Variants in SPIRE1 observed in about 807,000 individuals in gnomAD.
SPIRE1 encodes the protein protein spire homolog 1.
In SPIRE1, 40 loss-of-function variants were observed where a neutral mutation model predicts 94.1. The ratio of observed to expected loss-of-function variants is 0.43; its 90% CI spans 0.33 to 0.55. SPIRE1 has a LOEUF of 0.55. Among genes scored for constraint, SPIRE1 ranks in the 20% least tolerant of loss-of-function variants. The probability of loss-of-function intolerance (pLI) is 0.06; values close to 1 mark genes in which losing one functional copy is unlikely to be tolerated. For missense variants in SPIRE1, 838 were observed against 975.2 expected, an observed-to-expected ratio of 0.86 and a Z score of 1.87; for synonymous variants, 376 against 371.7, an observed-to-expected ratio of 1.01 and a Z score of -0.13.
upstream of SPIRE1, among the ~76,000 whole-genome samples, chr18:12,660,778 C>CA (rs1445722617): frequency 1.3e-5 from 2 of 151,580 alleles, no homozygotes; most frequent in African/African-American, 4.9e-5. Context: ...TGCCAAGTAA[C>CA]AATTCATGGT....
At chr18:12,595,551 T>C (rs1430781028) in intron 2 of SPIRE1, among the ~76,000 whole-genome samples, 2 of 152,342 alleles carry the variant, frequency 1.3e-5, no homozygotes, top group East Asian at 3.9e-4. Flanking sequence ...AAGAAAACTA[T>C]ACGTGTGGCT....
At chr18:12,590,690 C>G (rs1002679260) in intron 2 of SPIRE1, among the ~76,000 whole-genome samples, 2 of 152,152 alleles carry the variant, frequency 1.3e-5, no homozygotes, top group African/African-American at 2.4e-5. Flanking sequence ...ATTTGAAGAG[C>G]AGCAGTGAGA....
chr18:12,543,694 C>T (rs991337431), intron 3 of SPIRE1, among the ~76,000 whole-genome samples: 2 of 152,216 alleles, frequency 1.3e-5, no homozygotes, highest in African/African-American at 2.4e-5. Flanking sequence ...AAAAGTTACA[C>T]ATTAAAGAGC....
intron 2 of SPIRE1, among the ~76,000 whole-genome samples, chr18:12,573,442 A>G (rs1203813749): frequency 1.3e-5 from 2 of 152,202 alleles, no homozygotes; most frequent in African/African-American, 2.4e-5. Flanking sequence ...CACTATTACC[A>G]AATGATCTGG....
At chr18:12,536,358 G>A (rs940329502) in intron 3 of SPIRE1, among the ~76,000 whole-genome samples, 4 of 152,122 alleles carry the variant, frequency 2.6e-5, no homozygotes, top group African/African-American at 9.7e-5. Context: ...TCATTTTAAT[G>A]GAAAAAGAAA....
chr18:12,553,051 G>A (rs973905581), intron 2 of SPIRE1, among the ~76,000 whole-genome samples: 1 of 152,108 alleles, frequency 6.6e-6, no homozygotes, highest in Admixed American at 6.6e-5. Flanking sequence ...GAGTCCTTGG[G>A]CCCTAAATAA....
At chr18:12,494,564 T>C (rs1292676776) in intron 7 of SPIRE1, among the ~76,000 whole-genome samples, 8 of 151,514 alleles carry the variant, frequency 5.3e-5, no homozygotes, top group Admixed American at 2.6e-4. Flanking sequence ...GCACGGTGGC[T>C]CACGCCTGTA....
At chr18:12,474,344 G>A (rs1171523415) in intron 10 of SPIRE1, among the ~76,000 whole-genome samples, 1 of 150,298 alleles carries the variant, frequency 6.7e-6, no homozygotes, top group Non-Finnish European at 1.5e-5. Flanking sequence ...TCAGCAGTGG[G>A]CCACTCCCTC....
In SPIRE1 at chr18:12,449,756, C is replaced by A. The variant is rs1224186975; in HGVS notation, c.2153G>T (p.Arg718Leu). 2 of 1,614,092 alleles carry A rather than the reference C, an allele frequency of 1.2e-6. No homozygotes were observed. Among genetic ancestry groups the A allele is most frequent in the South Asian group, 2.2e-5 (2 of 91,076 alleles). The change falls in exon 17 of 17, where the codon CGC becomes CTC. Residue 718 changes from arginine to leucine, a missense_variant. Arg to Leu is a moderately radical substitution (Grantham distance 102). Coordinates refer to ENST00000409402, the MANE Select transcript of SPIRE1 (RefSeq NM_001128626.2). Reference sequence around the variant, plus strand: ...CCTTTTGTTGGCCAACACCAGACTGCGCCGGCTTGAACTGATGATTTCCGA... The same window carrying A: ...CCTTTTGTTGGCCAACACCAGACTGAGCCGGCTTGAACTGATGATTTCCGA... ...FISEIISSSR[R>L]SLVLANKRAR... is the part of the protein sequence containing the mutation.
At chr18:12,622,421 CTTTTT>C (rs71371281) in intron 2 of SPIRE1, among the ~76,000 whole-genome samples, 5 of 114,854 alleles carry the variant, frequency 4.4e-5, no homozygotes, top group African/African-American at 9.3e-5. Flanking sequence ...TATGTCCAGT[CTTTTT>C]TTTTTTTTTT....
At chr18:12,544,505 T>C (rs1844933639) in intron 3 of SPIRE1, among the ~76,000 whole-genome samples, 2 of 136,512 alleles carry the variant, frequency 1.5e-5, no homozygotes, top group Non-Finnish European at 3.1e-5. Flanking sequence ...CGCCCAGTCG[T>C]TTTTTTTTTT....
chr18:12,513,938 G>C (rs1270663203), intron 4 of SPIRE1, among the ~76,000 whole-genome samples: 1 of 152,138 alleles, frequency 6.6e-6, no homozygotes, highest in East Asian at 1.9e-4. Context: ...CACTTCCTGG[G>C]GCTCCAGTAA....
chr18:12,618,694 A>T (rs548982353), intron 2 of SPIRE1, among the ~76,000 whole-genome samples: 1 of 152,208 alleles, frequency 6.6e-6, no homozygotes, highest in African/African-American at 2.4e-5. Context: ...TTCAACACAC[A>T]AAAAAACTGT....
chr18:12,636,949 G>T (rs1422360473), intron 1 of SPIRE1, among the ~76,000 whole-genome samples: 1 of 152,176 alleles, frequency 6.6e-6, no homozygotes, highest in Non-Finnish European at 1.5e-5. Context: ...TCAAGGAAGG[G>T]TACAGACTGC....
chr18:12,645,237 T>C (rs1006987862), intron 1 of SPIRE1, among the ~76,000 whole-genome samples: 1 of 152,204 alleles, frequency 6.6e-6, no homozygotes, highest in African/African-American at 2.4e-5. Context: ...CTTAGTTCTC[T>C]CCATGTTATG....
At chr18:12,584,470 T>G (rs1299786338) in intron 2 of SPIRE1, among the ~76,000 whole-genome samples, 1 of 151,772 alleles carries the variant, frequency 6.6e-6, no homozygotes, top group Non-Finnish European at 1.5e-5. Context: ...AAAACAGTAT[T>G]TAAAAGAACC....
intron 2 of SPIRE1, among the ~76,000 whole-genome samples, chr18:12,606,270 T>C (rs2036972936): frequency 2.0e-5 from 3 of 152,194 alleles, no homozygotes; most frequent in African/African-American, 7.2e-5. Context: ...TTGTCACTTT[T>C]GTTTATTGAC....
At chr18:12,601,204 TAAG>T (rs1427281062) in intron 2 of SPIRE1, among the ~76,000 whole-genome samples, 2 of 150,798 alleles carry the variant, frequency 1.3e-5, no homozygotes, top group Admixed American at 1.3e-4. Flanking sequence ...GCAGATCACT[TAAG>T]GTTCGAGACC....
chr18:12,556,637 A>G (rs1186294793), intron 2 of SPIRE1, among the ~76,000 whole-genome samples: 1 of 152,004 alleles, frequency 6.6e-6, no homozygotes, highest in Non-Finnish European at 1.5e-5. Context: ...TGAGTGTTAC[A>G]GCTCTTAAAG....
Sources: allele counts gnomAD v4.1 joint callset (sites outside exome capture counted in the v4.1 genomes callset), GRCh38; gene constraint gnomAD v4.1.1; transcripts MANE v1.5; gene names NCBI Gene and HGNC (gene_info 2026-07-23, HGNC 2026-07-21).